TMEM244: variants seen among roughly 807,000 people sequenced by gnomAD.
TMEM244 encodes the protein transmembrane protein 244.
Under a neutral mutation model 15.8 loss-of-function variants are expected in TMEM244, and 13 were observed. The ratio of observed to expected loss-of-function variants is 0.82; its 90% CI spans 0.53 to 1.30. The LOEUF is 1.30. TMEM244 is among the 50% of genes most tolerant of loss of function. The pLI is 0.00. For synonymous variants in TMEM244, 45 were observed against 48.7 expected (o/e 0.92, Z 0.32); for missense variants, 161 against 144.9 (o/e 1.11, Z -0.57).
intron 2 of TMEM244, 72 bp from the exon 3 acceptor site, chr6:129,843,675 C>A: frequency 9.1e-7 from 1 of 1,098,908 alleles, no homozygotes; most frequent in Non-Finnish European, 1.4e-6. Context: ...AAGTGACACA[C>A]GTTACTATTT....
At chr6:129,853,282 T>C (rs1584191302) in intron 1 of TMEM244, among the ~76,000 whole-genome samples, 1 of 152,092 alleles carries the variant, frequency 6.6e-6, no homozygotes, top group African/African-American at 2.4e-5. Flanking sequence ...AATTAACGGC[T>C]CCTCTCTTTG....
Position 129,833,597 on chromosome 6 carries a change from A to G in TMEM244, c.194-12T>C, listed in dbSNP as rs763661571. ...TGAAACTAAAAGAACTGCAAATACA[A>G]GGAAGAATATAATTATTGAGGACTA... On this transcript the variant is annotated splice_polypyrimidine_tract_variant and intron_variant, in intron 3 of 4. Coordinates refer to ENST00000368143, the MANE Select transcript of TMEM244 (RefSeq NM_001010876.2). 1.2e-6 allele frequency: 2 copies of G among 1,609,478 alleles called. No individual in the cohort carries two copies. Among genetic ancestry groups the G allele is most frequent in the South Asian group, 2.2e-5 (2 of 90,198 alleles).
intron 3 of TMEM244, among the ~76,000 whole-genome samples, chr6:129,836,638 A>T (rs1187201453): frequency 6.6e-6 from 1 of 152,190 alleles, no homozygotes; most frequent in Non-Finnish European, 1.5e-5. Flanking sequence ...GAGATAAAGG[A>T]GCATCTTCTA....
chr6:129,858,858 A>G lies in TMEM244; in HGVS notation c.33+2298T>C, dbSNP rs1776757256. 3.9e-5 allele frequency among the ~76,000 whole-genome samples: 6 copies of G among 151,986 alleles called. No homozygotes were observed. The South Asian group carries it at 1.2e-3, about 32-fold the overall frequency. On this transcript the variant is annotated intron_variant, in intron 1 of 4. Transcript: ENST00000368143. The stretch of plus-strand genomic sequence containing the variant: ...ACCCAGGCTGGAGTACAGTGACACA[A>G]TCTCAGCTCACTGTAACCTCTGCCT...
rs190405872 is a variant in TMEM244, at chr6:129,858,772, C to A, written c.33+2384G>T. Reference sequence around the variant, plus strand: ...AAGGAAGGAAAGAAATAATGGAAGACAAGACCACTATAGTAGGAACCATAG... The same window carrying A: ...AAGGAAGGAAAGAAATAATGGAAGAAAAGACCACTATAGTAGGAACCATAG... On this transcript the variant is annotated intron_variant, in intron 1 of 4. Coordinates refer to ENST00000368143, the MANE Select transcript of TMEM244 (RefSeq NM_001010876.2). Among the ~76,000 whole-genome samples, 1,048 of 151,246 alleles carry A rather than the reference C, an allele frequency of 6.9e-3. 7 individuals carry two copies. The highest frequency in any genetic ancestry group is 0.019 in the South Asian group (93 of 4,796).
chr6:129,837,368 A>C (rs1013136652), intron 3 of TMEM244, among the ~76,000 whole-genome samples: 2 of 152,238 alleles, frequency 1.3e-5, no homozygotes, highest in Admixed American at 1.3e-4. Flanking sequence ...ACAGAGAAGC[A>C]AATGCTGAGA....
Position 129,850,785 on chromosome 6 carries a change from G to A in TMEM244, c.34-4933C>T, listed in dbSNP as rs201353261. Among the ~76,000 whole-genome samples, 48 of 152,160 alleles carry A rather than the reference G, an allele frequency of 3.2e-4. No individual in the cohort carries two copies. The East Asian group carries it at 7.9e-3, about 25-fold the overall frequency. On this transcript the variant is annotated intron_variant, in intron 1 of 4. Transcript: ENST00000368143. Reference sequence around the variant, plus strand: ...GTTTTATGTTGTTTGTTCATACTACGTCTTAGAAGTACAAAAGGTAATTTA... The same window carrying A: ...GTTTTATGTTGTTTGTTCATACTACATCTTAGAAGTACAAAAGGTAATTTA...
intron 1 of TMEM244, among the ~76,000 whole-genome samples, chr6:129,853,851 A>C (rs975843746): frequency 2.6e-5 from 4 of 152,210 alleles, no homozygotes; most frequent in Non-Finnish European, 5.9e-5. Context: ...GCTTAAGTGG[A>C]GCCTGAGTAC....
At chr6:129,834,344 A>G (rs17058036) in intron 3 of TMEM244, among the ~76,000 whole-genome samples, 10,370 of 152,256 alleles carry the variant, frequency 0.068, 516 homozygotes, top group South Asian at 0.21. Flanking sequence ...ATCAGACTTT[A>G]AAGTGACAAA....
intron 1 of TMEM244, among the ~76,000 whole-genome samples, chr6:129,860,156 T>C (rs1776782459): frequency 6.7e-6 from 1 of 148,690 alleles, no homozygotes; most frequent in South Asian, 2.1e-4. Flanking sequence ...TGTCTGTCTG[T>C]CTGGTCTGTG....
At chr6:129,851,794 C>G (rs1247298513) in intron 1 of TMEM244, among the ~76,000 whole-genome samples, 3 of 152,110 alleles carry the variant, frequency 2.0e-5, no homozygotes, top group African/African-American at 7.2e-5. Flanking sequence ...CTAGGAAAAG[C>G]CAATATGTGA....
chr6:129,845,642 G>C, intron 2 of TMEM244, 125 bp downstream of exon 2: 1 of 762,400 alleles, frequency 1.3e-6, no homozygotes, highest in African/African-American at 1.8e-5. Flanking sequence ...ATAAAAGTAA[G>C]AAACTATGTC....
intron 1 of TMEM244, among the ~76,000 whole-genome samples, chr6:129,859,422 A>G (rs368675510): frequency 2.6e-5 from 4 of 152,214 alleles, no homozygotes; most frequent in Non-Finnish European, 4.4e-5. Context: ...GCTCCGTCCT[A>G]CTGGTAAGTA....
intron 1 of TMEM244, among the ~76,000 whole-genome samples, chr6:129,852,374 C>G (rs1050648155): frequency 6.6e-6 from 1 of 152,190 alleles, no homozygotes; most frequent in Non-Finnish European, 1.5e-5. Context: ...AGACGCCAAG[C>G]AAGCCACTTT....
intron 1 of TMEM244, among the ~76,000 whole-genome samples, chr6:129,858,767 GAAGAC>G (rs1776754262): frequency 6.6e-6 from 1 of 151,450 alleles, no homozygotes; most frequent in Non-Finnish European, 1.5e-5. Context: ...AGAAATAATG[GAAGAC>G]AAGACCACTA....
At chr6:129,835,184 C>A (rs1439197535) in intron 3 of TMEM244, among the ~76,000 whole-genome samples, 1 of 151,964 alleles carries the variant, frequency 6.6e-6, no homozygotes, top group Non-Finnish European at 1.5e-5. Flanking sequence ...TCACTTGAAG[C>A]TAGGAGTTCA....
At chr6:129,847,860 G>A (rs151099422) in intron 1 of TMEM244, among the ~76,000 whole-genome samples, 5 of 148,790 alleles carry the variant, frequency 3.4e-5, no homozygotes, top group South Asian at 2.1e-4. Context: ...CTGCAAACTC[G>A]GTCTCCCGGG....
In TMEM244 at chr6:129,853,776, C is replaced by T. The variant is rs567401399; in HGVS notation, c.33+7380G>A. Among the ~76,000 whole-genome samples, 3 of 152,310 alleles carry T rather than the reference C, an allele frequency of 2.0e-5. No individual in the cohort carries two copies. In the South Asian group the frequency reaches 6.2e-4, roughly 32 times the overall value. On this transcript the variant is annotated intron_variant, in intron 1 of 4. Coordinates refer to ENST00000368143, the MANE Select transcript of TMEM244 (RefSeq NM_001010876.2). ...CCCAAAAGCATGAGCACTATCTTTGCTAGGGCTAGGCTGGAACCTGGATAG... is the reference window on the plus strand; with the variant it reads ...CCCAAAAGCATGAGCACTATCTTTGTTAGGGCTAGGCTGGAACCTGGATAG...
intron 3 of TMEM244, among the ~76,000 whole-genome samples, chr6:129,838,806 T>G (rs1584182821): frequency 6.6e-6 from 1 of 152,074 alleles, no homozygotes; most frequent in Non-Finnish European, 1.5e-5. Context: ...AACACCTCTG[T>G]GCAAATAAAC....
Sources: gnomAD v4.1 joint callset for allele counts (sites outside exome capture counted in the v4.1 genomes callset) on GRCh38, gnomAD v4.1.1 for gene constraint, MANE v1.5 for transcripts, NCBI Gene and HGNC (gene_info 2026-07-23, HGNC 2026-07-21) for gene names.